Variants in SLC30A7 observed in about 807,000 individuals in gnomAD.
SLC30A7 encodes the protein zinc transporter 7.
Under a neutral mutation model 46.0 loss-of-function variants are expected in SLC30A7, and 35 were observed. The observed-to-expected ratio is 0.76, with a 90% CI of 0.58 to 1.01. The LOEUF (loss-of-function observed/expected upper bound fraction) is 1.01. Ranked by LOEUF, SLC30A7 falls within the 50% of genes least tolerant of loss-of-function variation. SLC30A7 has a pLI of 0.00. For missense variants in SLC30A7, 464 were observed against 451.1 expected, an observed-to-expected ratio of 1.03 and a Z score of -0.26; for synonymous variants, 147 against 157.8, an observed-to-expected ratio of 0.93 and a Z score of 0.51.
intron 8 of SLC30A7, among the ~76,000 whole-genome samples, chr1:100,938,531 A>G (rs1022175315): frequency 1.3e-5 from 2 of 152,346 alleles, no homozygotes; most frequent in South Asian, 2.1e-4. Context: ...GCTTAAAACA[A>G]TGCTCATTTA....
chr1:100,921,356 A>G (rs1250698923), intron 7 of SLC30A7, among the ~76,000 whole-genome samples: 2 of 152,156 alleles, frequency 1.3e-5, no homozygotes, highest in Non-Finnish European at 2.9e-5. Flanking sequence ...GCCTAATGCA[A>G]TTTCCATCCC....
At chr1:100,930,493 A>G (rs1653599781) in intron 8 of SLC30A7, among the ~76,000 whole-genome samples, 1 of 152,084 alleles carries the variant, frequency 6.6e-6, no homozygotes, top group Non-Finnish European at 1.5e-5. Context: ...TAGACCCTGT[A>G]CTGATTTTGA....
the SLC30A7 span, chr1:100,995,094 C>A: frequency 6.4e-7 from 1 of 1,555,360 alleles, no homozygotes; most frequent in South Asian, 1.1e-5. Context: ...TATGCATTCT[C>A]AGAATAATAA....
intron 3 of SLC30A7, among the ~76,000 whole-genome samples, chr1:100,908,931 A>C (rs1242589132): frequency 6.6e-6 from 1 of 152,124 alleles, no homozygotes; most frequent in African/African-American, 2.4e-5. Context: ...TGGTTTTTAG[A>C]AATAGCTTTG....
chr1:100,956,455 G>A (rs1570580054), intron 8 of SLC30A7, among the ~76,000 whole-genome samples: 3 of 152,218 alleles, frequency 2.0e-5, no homozygotes, highest in Admixed American at 2.0e-4. Flanking sequence ...ATAAAAATTT[G>A]AACAAAGATT....
intron 8 of SLC30A7, among the ~76,000 whole-genome samples, chr1:100,950,927 G>GCATCGGGTTCAGTGTCAATT (rs1654917500): frequency 6.6e-6 from 1 of 152,190 alleles, no homozygotes; most frequent in Non-Finnish European, 1.5e-5. Context: ...GAAGGAGCCA[G>GCATCGGGTTCAGTGTCAATT]CATCGGGTTC....
the SLC30A7 span, chr1:100,989,604 G>A: frequency 2.0e-5 from 3 of 152,168 alleles, no homozygotes; most frequent in South Asian, 6.2e-4. Context: ...TTTTTAAAAA[G>A]AAGAAAATTA....
At chr1:100,933,480 A>G (rs911125706) in intron 8 of SLC30A7, among the ~76,000 whole-genome samples, 32 of 151,532 alleles carry the variant, frequency 2.1e-4, no homozygotes, top group African/African-American at 7.8e-4. Context: ...GGTTTGTTAC[A>G]TATGTGTACA....
chr1:100,978,736 T>C lies in SLC30A7; in HGVS notation c.*3879T>C, dbSNP rs564044252. 175 of 152,360 alleles carry C rather than the reference T, an allele frequency of 1.1e-3. 1 individual carries two copies. Among genetic ancestry groups the C allele is most frequent in the African/African-American group, 4.1e-3 (170 of 41,586 alleles). 9.4% of individuals were successfully genotyped at this position (152,360 alleles called of 1,614,324 possible). A position where few individuals can be genotyped will look rare whatever the true frequency, so the allele number is the denominator to read the frequency against. On this transcript the variant is annotated 3_prime_UTR_variant, in exon 11 of 11. Coordinates refer to ENST00000357650, the MANE Select transcript of SLC30A7 (RefSeq NM_133496.5). Reference sequence around the variant, plus strand: ...CTCCTTTTTTGGTACATTAAGGCACTTTATAAATGGACTTTTATTGTCTCA... The same window carrying C: ...CTCCTTTTTTGGTACATTAAGGCACCTTATAAATGGACTTTTATTGTCTCA...
intron 8 of SLC30A7, among the ~76,000 whole-genome samples, chr1:100,952,020 G>A (rs965995041): frequency 6.6e-6 from 1 of 152,176 alleles, no homozygotes; most frequent in African/African-American, 2.4e-5. Flanking sequence ...CTATGCTGCT[G>A]GCTTTGAAGA....
rs574707626 is a variant in SLC30A7, at chr1:100,937,751, C to T, written c.842+15910C>T. ...AATATGCAGATATTTTCTCTTTTTC[C>T]ATGATTTGCCTTAATTTTCATGTTT... On this transcript the variant is annotated intron_variant, in intron 8 of 10. Transcript: ENST00000357650. Among the ~76,000 whole-genome samples the T allele has an allele frequency of 4.6e-5, 7 of 152,030 alleles. No homozygotes were observed. The South Asian group carries it at 1.5e-3, about 32-fold the overall frequency.
intron 6 of SLC30A7, 129 bp from the exon 7 acceptor site, chr1:100,917,948 A>G (rs942002687): frequency 5.5e-5 from 29 of 530,634 alleles, no homozygotes; most frequent in Non-Finnish European, 8.7e-5. Flanking sequence ...TAAAAAATAA[A>G]TTTGTAAGTT....
chr1:100,926,045 A>G (rs1335197263), intron 8 of SLC30A7, among the ~76,000 whole-genome samples: 1 of 152,190 alleles, frequency 6.6e-6, no homozygotes, highest in Non-Finnish European at 1.5e-5. Context: ...TAGTGCTTCA[A>G]GCAACCACAA....
At chr1:100,940,936 C>T in intron 8 of SLC30A7, 1 of 383,822 alleles carries the variant, frequency 2.6e-6, no homozygotes, top group Non-Finnish European at 5.2e-6. Flanking sequence ...TGGCTGAATT[C>T]ACAAATCCGT....
chr1:100,989,964 T>G, the SLC30A7 span: 3 of 163,868 alleles, frequency 1.8e-5, no homozygotes, highest in African/African-American at 7.2e-5. Flanking sequence ...TGTTTTATAC[T>G]TACTAGATAA....
At chr1:100,931,664 C>T (rs1254572556) in intron 8 of SLC30A7, among the ~76,000 whole-genome samples, 4 of 152,002 alleles carry the variant, frequency 2.6e-5, no homozygotes, top group Non-Finnish European at 5.9e-5. Context: ...TGTGGGAAAT[C>T]GGTGATTTTT....
downstream of SLC30A7, among the ~76,000 whole-genome samples, chr1:100,986,082 A>T (rs543904716): frequency 6.6e-6 from 1 of 152,366 alleles, no homozygotes; most frequent in African/African-American, 2.4e-5. Flanking sequence ...CCACATCATT[A>T]GGTATTGGGA....
At chr1:100,956,036 A>G (rs1224509375) in intron 8 of SLC30A7, among the ~76,000 whole-genome samples, 4 of 152,096 alleles carry the variant, frequency 2.6e-5, no homozygotes, top group Non-Finnish European at 4.4e-5. Context: ...CTACCTAAAA[A>G]GACAACCATT....
intron 8 of SLC30A7, among the ~76,000 whole-genome samples, chr1:100,957,757 CAT>C (rs1416818595): frequency 2.0e-5 from 3 of 152,166 alleles, no homozygotes; most frequent in Non-Finnish European, 2.9e-5. Context: ...AATTCTCAAA[CAT>C]AATTCAAGGA....
Sources: allele counts gnomAD v4.1 joint callset (sites outside exome capture counted in the v4.1 genomes callset), GRCh38; gene constraint gnomAD v4.1.1; transcripts MANE v1.5; gene names NCBI Gene and HGNC (gene_info 2026-07-23, HGNC 2026-07-21).